The following ECT2L variants were observed in gnomAD, a reference collection of about 807,000 sequenced individuals.
ECT2L encodes the protein epithelial cell transforming 2 like.
A neutral mutation model predicts 122.8 loss-of-function variants in ECT2L; 126 were observed. That is an observed-to-expected ratio of 1.03 (90% CI 0.89 to 1.19). The LOEUF is 1.19. Ranked by LOEUF, ECT2L falls within the 50% of genes most tolerant of loss-of-function variation. The probability of loss-of-function intolerance (pLI) is 0.00; values close to 1 mark genes in which losing one functional copy is unlikely to be tolerated. For synonymous variants in ECT2L, 385 were observed against 381.8 expected, an observed-to-expected ratio of 1.01 and a Z score of -0.10; for missense variants, 1,012 against 1,064.1, an observed-to-expected ratio of 0.95 and a Z score of 0.68.
chr6:138,886,328 C>T (rs1019396747), intron 18 of ECT2L, among the ~76,000 whole-genome samples: 30 of 152,174 alleles, frequency 2.0e-4, no homozygotes, highest in Middle Eastern at 6.3e-3. Flanking sequence ...ACTGCTAACA[C>T]ATTTTTCCAT....
chr6:138,838,102 A>G (rs1776906672), intron 4 of ECT2L, among the ~76,000 whole-genome samples: 1 of 152,084 alleles, frequency 6.6e-6, no homozygotes, highest in African/African-American at 2.4e-5. Context: ...GAGTTTTGCC[A>G]TGTTGGCTAG....
intron 20 of ECT2L, among the ~76,000 whole-genome samples, chr6:138,893,421 A>G (rs1305450849): frequency 6.8e-6 from 1 of 147,436 alleles, no homozygotes; most frequent in Non-Finnish European, 1.5e-5. Flanking sequence ...ATATTTTTTT[A>G]TTTTTATTTT....
intron 20 of ECT2L, among the ~76,000 whole-genome samples, chr6:138,897,802 G>C (rs1252203023): frequency 6.6e-6 from 1 of 152,030 alleles, no homozygotes; most frequent in African/African-American, 2.4e-5. Context: ...TCCCTTCCCT[G>C]GGCCAACCAT....
At chr6:138,901,930 G>A (rs983867170) in intron 21 of ECT2L, among the ~76,000 whole-genome samples, 1 of 152,202 alleles carries the variant, frequency 6.6e-6, no homozygotes, top group African/African-American at 2.4e-5. Context: ...CCTGAGAAAA[G>A]AATGAGTATT....
At chr6:138,878,460 T>C (rs1041001229) in intron 14 of ECT2L, among the ~76,000 whole-genome samples, 4 of 152,038 alleles carry the variant, frequency 2.6e-5, no homozygotes, top group African/African-American at 9.7e-5. Flanking sequence ...TTGTTTTTGT[T>C]TTTTGAGATG....
Position 138,902,503 on chromosome 6 carries a change from T to C in ECT2L, c.2591T>C (p.Val864Ala). ...TATACCTCAAATGCTTTTACAGATG[T>C]CAAGAATGCATTTATTCTTCAGGGT... ...LIENIPDSKY[V>A]KNAFILQGPK... The change falls in exon 22 of 22, where the codon GTC (valine) becomes GCC (alanine). Residue 864 changes from valine (V) to alanine (A), a missense_variant. Coordinates refer to ENST00000541398, the MANE Select transcript of ECT2L (RefSeq NM_001077706.3). The C allele has an allele frequency of 6.2e-7, 1 of 1,612,850 alleles. No individual in the cohort carries two copies. Among genetic ancestry groups the C allele is most frequent in the Non-Finnish European group, 8.5e-7 (1 of 1,179,236 alleles).
At chr6:138,816,058 A>C (rs1024847331) in intron 4 of ECT2L, among the ~76,000 whole-genome samples, 1 of 152,234 alleles carries the variant, frequency 6.6e-6, no homozygotes, top group Non-Finnish European at 1.5e-5. Context: ...CCCTTCAGTC[A>C]ATGTTGAAAA....
intron 12 of ECT2L, among the ~76,000 whole-genome samples, chr6:138,867,786 G>A (rs975420147): frequency 1.5e-4 from 23 of 151,896 alleles, no homozygotes; most frequent in South Asian, 4.2e-4. Context: ...CCCAGATTGC[G>A]CCACTGCATT....
intron 1 of ECT2L, among the ~76,000 whole-genome samples, chr6:138,808,284 G>C (rs888297855): frequency 7.2e-4 from 110 of 152,010 alleles, no homozygotes; most frequent in African/African-American, 2.4e-3. Flanking sequence ...TCATTTGGTT[G>C]CCCAGGCTGG....
At chr6:138,829,023 T>A (rs142049243) in intron 4 of ECT2L, among the ~76,000 whole-genome samples, 4 of 51,692 alleles carry the variant, frequency 7.7e-5, no homozygotes, top group East Asian at 1.0e-3. Context: ...AAGTTTAAAA[T>A]TTTTTTTTTT....
At chr6:138,881,986 G>C (rs550591147) in intron 15 of ECT2L, among the ~76,000 whole-genome samples, 1 of 152,048 alleles carries the variant, frequency 6.6e-6, no homozygotes, top group African/African-American at 2.4e-5. Flanking sequence ...AGAGTCATAC[G>C]CTCCTTCCTA....
intron 20 of ECT2L, among the ~76,000 whole-genome samples, chr6:138,893,508 C>G (rs1053501868): frequency 3.3e-5 from 5 of 152,028 alleles, no homozygotes; most frequent in Non-Finnish European, 7.4e-5. Context: ...ACAACCTCTG[C>G]CTCTCAGGCT....
chr6:138,842,975 G>A lies in ECT2L; in HGVS notation c.343-4G>A. 6.8e-7 allele frequency: 1 copy of A among 1,479,098 alleles called. No homozygotes were observed. The allele number at this position is 1,479,098 out of a possible 1,614,324, so 91.6% of individuals were successfully genotyped here. A position where few individuals can be genotyped will look rare whatever the true frequency, so the allele number is the denominator to read the frequency against. On this transcript the variant is annotated splice_polypyrimidine_tract_variant and splice_region_variant and intron_variant, in intron 5 of 21. Coordinates refer to ENST00000541398, the MANE Select transcript of ECT2L (RefSeq NM_001077706.3). ...TGTGACTCATCTTCCTCTTGTTTCT[G>A]AAGGATTGCTTATGGATGCCCAAAT...
intron 11 of ECT2L, among the ~76,000 whole-genome samples, chr6:138,864,002 TAAAAAAAAAAA>T (rs1172466449): frequency 5.4e-4 from 30 of 55,872 alleles, no homozygotes; most frequent in African/African-American, 1.8e-3. Flanking sequence ...TCTCCGTATT[TAAAAAAAAAAA>T]AAAAAAAAAA....
chr6:138,852,404 T>C (rs1484798909), intron 9 of ECT2L, among the ~76,000 whole-genome samples: 1 of 152,174 alleles, frequency 6.6e-6, no homozygotes, highest in African/African-American at 2.4e-5. Context: ...TTTTTTCTTA[T>C]AGCTTGCATT....
chr6:138,860,517 AGT>A (rs1777787761), intron 10 of ECT2L, among the ~76,000 whole-genome samples: 1 of 84,842 alleles, frequency 1.2e-5, no homozygotes, highest in Admixed American at 1.7e-4. Context: ...TATAGACATC[AGT>A]AAGTGAGAGA....
chr6:138,893,225 G>A (rs62440950), intron 20 of ECT2L, among the ~76,000 whole-genome samples: 23,703 of 146,206 alleles, frequency 0.16, 2,002 homozygotes, highest in African/African-American at 0.21. Flanking sequence ...AACATGAGAC[G>A]TAAGGTTAGA....
chr6:138,832,754 T>G (rs72987060), intron 4 of ECT2L, among the ~76,000 whole-genome samples: 36,869 of 150,968 alleles, frequency 0.24, 4,608 homozygotes, highest in Middle Eastern at 0.29. Flanking sequence ...TTTTGTTGTT[T>G]TTTTTTTAAT....
intron 12 of ECT2L, 78 bp from the exon 13 acceptor site, chr6:138,868,025 T>G: frequency 5.3e-6 from 3 of 565,658 alleles, no homozygotes; most frequent in South Asian, 2.6e-5. Context: ...AAAAAGAAAC[T>G]GTGAGGACTG....
Sources: allele counts gnomAD v4.1 joint callset (sites outside exome capture counted in the v4.1 genomes callset), GRCh38; gene constraint gnomAD v4.1.1; transcripts MANE v1.5; gene names NCBI Gene and HGNC (gene_info 2026-07-23, HGNC 2026-07-21).